Variants in AK3 observed in about 807,000 individuals in gnomAD.
AK3 encodes the protein adenylate kinase 3, also known as GTP:AMP phosphotransferase AK3, mitochondrial.
AK3 carries 27 observed loss-of-function variants against 23.7 expected under a neutral mutation model. The ratio of observed to expected loss-of-function variants is 1.14; its 90% confidence interval spans 0.84 to 1.57. AK3 has a LOEUF of 1.57. Among genes scored for constraint, AK3 ranks in the 40% most tolerant of loss-of-function variants. The pLI is 0.00. For missense variants in AK3, 406 were observed against 285.6 expected (o/e 1.42, Z -3.04); for synonymous variants, 159 against 116.0 (o/e 1.37, Z -2.38).
chr9:4,741,166 G>A lies in AK3; in HGVS notation c.-79C>T, dbSNP rs1162572787. 1.1e-5 allele frequency: 14 copies of A among 1,312,832 alleles called. No individual in the cohort carries two copies. The highest frequency in any genetic ancestry group is 1.6e-5 in the African/African-American group (1 of 64,260). The allele number at this position is 1,312,832 out of a possible 1,614,324, so 81.3% of individuals were successfully genotyped here. On this transcript the variant is annotated 5_prime_UTR_variant, in exon 1 of 5. Coordinates refer to ENST00000381809, the MANE Select transcript of AK3 (RefSeq NM_016282.4). ...CGCGCTCACCCGCTCGGCAGCCTGCGCCGGCCGGCTAGCAGCGCCACTAGC... is the reference window on the plus strand; with the variant it reads ...CGCGCTCACCCGCTCGGCAGCCTGCACCGGCCGGCTAGCAGCGCCACTAGC...
intron 2 of AK3, among the ~76,000 whole-genome samples, chr9:4,720,913 G>A (rs1040614067): frequency 6.6e-6 from 1 of 152,084 alleles, no homozygotes; most frequent in African/African-American, 2.4e-5. Context: ...AGCATCACCA[G>A]CCTACCTTGG....
chr9:4,728,998 C>CACACATATATATATAT (rs780404503), intron 1 of AK3, among the ~76,000 whole-genome samples: 1 of 91,358 alleles, frequency 1.1e-5, no homozygotes, highest in African/African-American at 4.1e-5. Flanking sequence ...CACACACACA[C>CACACATATATATATAT]ATATATATAT....
At chr9:4,725,456 T>A (rs994792430) in intron 1 of AK3, among the ~76,000 whole-genome samples, 1 of 152,130 alleles carries the variant, frequency 6.6e-6, no homozygotes, top group African/African-American at 2.4e-5. Flanking sequence ...AAAAACTTTT[T>A]GTGCTTCAAA....
intron 4 of AK3, 35 bp downstream of exon 4, chr9:4,718,384 C>A (rs368932440): frequency 2.9e-5 from 43 of 1,490,906 alleles, no homozygotes; most frequent in Non-Finnish European, 3.9e-5. Context: ...TAGTGCACCA[C>A]TACGCAAGAG....
intron 4 of AK3, among the ~76,000 whole-genome samples, chr9:4,714,120 C>CCACATATACACACCTA (rs1563781218): frequency 3.0e-5 from 1 of 33,312 alleles, no homozygotes; most frequent in Non-Finnish European, 5.9e-5. Flanking sequence ...ATACACACCT[C>CCACATATACACACCTA]CACATATACA....
intron 1 of AK3, among the ~76,000 whole-genome samples, chr9:4,730,262 G>A (rs953043687): frequency 3.3e-5 from 5 of 152,100 alleles, no homozygotes; most frequent in Admixed American, 6.5e-5. Context: ...TGAGGTGATG[G>A]TTGCACAACT....
At chr9:4,728,336 C>T (rs541385132) in intron 1 of AK3, among the ~76,000 whole-genome samples, 1 of 152,118 alleles carries the variant, frequency 6.6e-6, no homozygotes, top group African/African-American at 2.4e-5. Flanking sequence ...TTTGGGAGGC[C>T]GAGGCAGGCG....
chr9:4,740,913 C>A (rs763416138), intron 1 of AK3, 24 bp downstream of exon 1: 1 of 1,509,310 alleles, frequency 6.6e-7, no homozygotes, highest in Non-Finnish European at 8.9e-7. Flanking sequence ...AGCGCACGGC[C>A]GGCCCTGGGC....
At chr9:4,734,681 T>C (rs771989060) in intron 1 of AK3, among the ~76,000 whole-genome samples, 6 of 152,242 alleles carry the variant, frequency 3.9e-5, no homozygotes, top group East Asian at 3.8e-4. Context: ...CTTTTTAAAA[T>C]TGTTCTTTAA....
At chr9:4,717,932 G>A (rs1037286958) in intron 4 of AK3, among the ~76,000 whole-genome samples, 2 of 152,182 alleles carry the variant, frequency 1.3e-5, no homozygotes, top group East Asian at 1.9e-4. Context: ...CTCTAGAAGT[G>A]GACTAGTCAG....
rs114436868 is a variant in AK3, at chr9:4,716,405, T to C, written c.563+2014A>G. Among the ~76,000 whole-genome samples the C allele has an allele frequency of 1.1e-3, 163 of 152,312 alleles. 2 individuals are homozygous for C. Among genetic ancestry groups the C allele is most frequent in the African/African-American group, 3.7e-3 (154 of 41,564 alleles). ...AGACACCAGGGCTGTTGTAGGACTT[T>C]CCAGGATCTCTCACTTAATTCTTTT... On this transcript the variant is annotated intron_variant, in intron 4 of 4. Transcript: ENST00000381809.
In AK3 at chr9:4,713,018, A is replaced by G. The variant is rs764442201; in HGVS notation, c.642T>C (p.Thr214=). ...CTTTCTGGCTTCTTTGTGGAACTTT[A>G]GTTTGTAGGAAAGCATATACATAGG... The part of the protein sequence containing the change: ...IWPYVYAFLQ[T]KVPQRSQKAS... The change falls in exon 5 of 5, where the codon ACT becomes ACC. Residue 214 remains threonine, a synonymous_variant. Transcript: ENST00000381809. 2.4e-5 allele frequency: 38 copies of G among 1,613,638 alleles called. No individual in the cohort carries two copies. The highest frequency in any genetic ancestry group is 3.0e-5 in the Non-Finnish European group (35 of 1,179,776).
intron 1 of AK3, among the ~76,000 whole-genome samples, chr9:4,738,794 G>A (rs1261435465): frequency 7.9e-6 from 1 of 126,992 alleles, no homozygotes; most frequent in Non-Finnish European, 1.6e-5. Context: ...TTGAGACAGG[G>A]TATCACTCTG....
In AK3 at chr9:4,715,574, T is replaced by C. The variant is rs543772161; in HGVS notation, c.564-2478A>G. ...CATGCCTGGCTAATATTTTTTTTTA[T>C]GTTTTGTAGAGACAGAGTTTCACCA... On this transcript the variant is annotated intron_variant, in intron 4 of 4. Transcript: ENST00000381809. Among the ~76,000 whole-genome samples, 348 of 152,080 alleles carry C rather than the reference T, an allele frequency of 2.3e-3. 1 individual carries two copies. The highest frequency in any genetic ancestry group is 3.3e-3 in the Non-Finnish European group (225 of 67,978).
chr9:4,740,783 G>A lies in AK3; in HGVS notation c.151+154C>T, dbSNP rs189245844. On this transcript the variant is annotated intron_variant, in intron 1 of 4. Coordinates refer to ENST00000381809, the MANE Select transcript of AK3 (RefSeq NM_016282.4). Reference sequence around the variant, plus strand: ...CCACGGAGGCCGGAGGTTTTGGGGCGCAGTCGCTCAGCAGCCCGAGGTCTC... The same window carrying A: ...CCACGGAGGCCGGAGGTTTTGGGGCACAGTCGCTCAGCAGCCCGAGGTCTC... Among the ~76,000 whole-genome samples the A allele has an allele frequency of 6.7e-3, 1,026 of 152,312 alleles. 2 individuals carry two copies. The highest frequency in any genetic ancestry group is 0.011 in the Non-Finnish European group (742 of 68,014).
chr9:4,717,389 G>A (rs1049869865), intron 4 of AK3, among the ~76,000 whole-genome samples: 14 of 152,174 alleles, frequency 9.2e-5, no homozygotes, highest in Admixed American at 8.5e-4. Context: ...AACAAGAGCA[G>A]ACAAAACAAT....
At chr9:4,713,191 T>C in intron 4 of AK3, 95 bp from the exon 5 acceptor site, 1 of 1,469,996 alleles carries the variant, frequency 6.8e-7, no homozygotes, top group South Asian at 1.4e-5. Flanking sequence ...ATATTGTAGA[T>C]ATAGGAGTCT....
intron 1 of AK3, among the ~76,000 whole-genome samples, chr9:4,733,840 C>A (rs994314516): frequency 6.6e-6 from 1 of 152,264 alleles, no homozygotes; most frequent in African/African-American, 2.4e-5. Flanking sequence ...ACTCAAGCCG[C>A]ATGGTAAGCT....
At position 4,711,623 on chromosome 9, in the gene AK3, G is replaced by C. The variant is rs886079889; in HGVS notation, c.*1353C>G. ...GCAATAACGACTTGTAAGACGGCTT[G>C]TTTCATTTGATTTGGCACGAAGTAA... is the stretch of plus-strand genomic sequence containing the variant. On this transcript the variant is annotated 3_prime_UTR_variant, in exon 5 of 5. Transcript: ENST00000381809. 6.6e-6 allele frequency: 1 copy of C among 152,258 alleles called. No homozygotes were observed. The highest frequency in any genetic ancestry group is 1.5e-5 in the Non-Finnish European group (1 of 68,030). The allele number at this position is 152,258 out of a possible 1,614,324, so 9.4% of individuals were successfully genotyped here.
Sources: gnomAD v4.1 joint callset for allele counts (sites outside exome capture counted in the v4.1 genomes callset) on GRCh38, gnomAD v4.1.1 for gene constraint, MANE v1.5 for transcripts, NCBI Gene and HGNC (gene_info 2026-07-23, HGNC 2026-07-21) for gene names.